The following CATSPERT variants were observed in gnomAD, a reference collection of about 807,000 sequenced individuals.
CATSPERT encodes cation channel sperm-associated targeting subunit tau.
At chr2:201,492,226 T>A in the CATSPERT span, 1 of 1,518,664 alleles carries the variant, frequency 6.6e-7, no homozygotes, top group East Asian at 2.5e-5. Context: ...GTGACAGTCA[T>A]CTCTAAAAGG....
the CATSPERT span, among the ~76,000 whole-genome samples, chr2:201,556,369 G>T: frequency 1.3e-5 from 2 of 151,988 alleles, no homozygotes; most frequent in African/African-American, 4.8e-5. Flanking sequence ...ATTAGCCAGG[G>T]GTGGTGGCGG....
At chr2:201,563,394 G>T in the CATSPERT span, among the ~76,000 whole-genome samples, 9 of 113,412 alleles carry the variant, frequency 7.9e-5, no homozygotes, top group East Asian at 2.6e-4. Context: ...CCTCCCGGAC[G>T]GGGCGGCTGG....
the CATSPERT span, among the ~76,000 whole-genome samples, chr2:201,606,834 GATT>G: frequency 6.6e-6 from 1 of 150,818 alleles, no homozygotes; most frequent in East Asian, 2.0e-4. Context: ...GGAAGGTGGA[GATT>G]GCAGTGAGCC....
At chr2:201,535,102 TC>T in the CATSPERT span, 1 of 969,618 alleles carries the variant, frequency 1.0e-6, no homozygotes, top group Non-Finnish European at 1.2e-6. Flanking sequence ...ACTTTCACAT[TC>T]AGAAAAAACA....
chr2:201,586,520 G>A, the CATSPERT span, among the ~76,000 whole-genome samples: 3 of 151,850 alleles, frequency 2.0e-5, no homozygotes, highest in African/African-American at 7.3e-5. Flanking sequence ...TACACTAACA[G>A]ATGTAGATAA....
At chr2:201,535,846 G>A in the CATSPERT span, 1 of 1,476,738 alleles carries the variant, frequency 6.8e-7, no homozygotes. Context: ...TGAGCTCAAG[G>A]CCTTCTTTTG....
chr2:201,491,573 AT>A, the CATSPERT span: 2 of 1,536,718 alleles, frequency 1.3e-6, no homozygotes, highest in Non-Finnish European at 1.7e-6. Context: ...TCTAATTTTG[AT>A]TTTTCCCCAG....
chr2:201,559,822 G>A, the CATSPERT span, among the ~76,000 whole-genome samples: 2 of 152,134 alleles, frequency 1.3e-5, no homozygotes, highest in African/African-American at 2.4e-5. Context: ...ACTGAAAGAG[G>A]TGACTTTTCC....
chr2:201,497,656 C>T, the CATSPERT span, among the ~76,000 whole-genome samples: 4 of 152,206 alleles, frequency 2.6e-5, no homozygotes, highest in East Asian at 3.9e-4. Context: ...ACTTTTACTC[C>T]GTTTAACTGG....
chr2:201,612,581 G>GGA, the CATSPERT span, among the ~76,000 whole-genome samples: 97 of 111,250 alleles, frequency 8.7e-4, 1 homozygote, highest in African/African-American at 3.3e-3. Context: ...CTCCATCTTG[G>GGA]AAAAAAAAAA....
the CATSPERT span, among the ~76,000 whole-genome samples, chr2:201,596,516 C>T: frequency 2.0e-5 from 3 of 152,066 alleles, no homozygotes; most frequent in Admixed American, 2.0e-4. Context: ...ACAACAAACC[C>T]CCATGACACA....
the CATSPERT span, among the ~76,000 whole-genome samples, chr2:201,585,215 C>T: frequency 6.6e-6 from 1 of 151,816 alleles, no homozygotes; most frequent in South Asian, 2.1e-4. Flanking sequence ...AGGGGAACAT[C>T]ACACACCAGG....
At chr2:201,565,849 A>G in the CATSPERT span, 1 of 1,605,754 alleles carries the variant, frequency 6.2e-7, no homozygotes, top group Admixed American at 1.7e-5. Flanking sequence ...TGGATATTCT[A>G]CTGTCTGTGG....
At chr2:201,543,898 G>A in the CATSPERT span, among the ~76,000 whole-genome samples, 1 of 151,912 alleles carries the variant, frequency 6.6e-6, no homozygotes, top group Non-Finnish European at 1.5e-5. Flanking sequence ...TAGGGTACAT[G>A]TGCACAACAT....
the CATSPERT span, chr2:201,581,960 A>G: frequency 9.1e-7 from 1 of 1,096,290 alleles, no homozygotes; most frequent in Non-Finnish European, 1.3e-6. Context: ...CCAAAAGGAG[A>G]TTTTATTTCT....
At chr2:201,504,966 G>C in the CATSPERT span, among the ~76,000 whole-genome samples, 1 of 152,222 alleles carries the variant, frequency 6.6e-6, no homozygotes, top group Non-Finnish European at 1.5e-5. Context: ...CCAGGTAAAA[G>C]AAATATTCTG....
the CATSPERT span, among the ~76,000 whole-genome samples, chr2:201,583,797 G>T: frequency 6.6e-6 from 1 of 151,986 alleles, no homozygotes; most frequent in African/African-American, 2.4e-5. Flanking sequence ...AGCAAAAATA[G>T]ACCCCCAAAA....
At chr2:201,518,373 C>T in the CATSPERT span, among the ~76,000 whole-genome samples, 6 of 152,218 alleles carry the variant, frequency 3.9e-5, no homozygotes, top group African/African-American at 1.2e-4. Context: ...AGTGGAAACA[C>T]GGTAACTACC....
the CATSPERT span, among the ~76,000 whole-genome samples, chr2:201,506,130 G>GTA: frequency 1.2e-4 from 19 of 152,102 alleles, no homozygotes; most frequent in African/African-American, 4.3e-4. Context: ...AGCTGGGGGC[G>GTA]GTGGCAGGCG....
Sources: gnomAD v4.1 joint callset for allele counts (sites outside exome capture counted in the v4.1 genomes callset) on GRCh38, gnomAD v4.1.1 for gene constraint, MANE v1.5 for transcripts, NCBI Gene and HGNC (gene_info 2026-07-23, HGNC 2026-07-21) for gene names.